Variants in XPO7 observed in about 807,000 individuals in gnomAD.
XPO7 encodes the protein exportin-7.
XPO7 carries 21 observed loss-of-function variants against 144.3 expected under a neutral mutation model. That is an observed-to-expected ratio of 0.15 (90% CI 0.10 to 0.21). The LOEUF (loss-of-function observed/expected upper bound fraction) is 0.21, where lower values mean the gene tolerates loss of function less well. Ranked by LOEUF, XPO7 falls within the 10% of genes least tolerant of loss-of-function variation. XPO7 has a pLI of 1.00. For missense variants in XPO7, 808 were observed against 1,325.8 expected, an observed-to-expected ratio of 0.61 and a Z score of 6.06; for synonymous variants, 580 against 499.6, an observed-to-expected ratio of 1.16 and a Z score of -2.15.
At chr8:21,972,998 A>G (rs1812116347) in intron 5 of XPO7, among the ~76,000 whole-genome samples, 1 of 152,230 alleles carries the variant, frequency 6.6e-6, no homozygotes, top group African/African-American at 2.4e-5. Flanking sequence ...TAAGCACTTT[A>G]TAGTAACTAA....
intron 25 of XPO7, 124 bp downstream of exon 25, chr8:22,002,396 G>A (rs117097240): frequency 0.021 from 25,758 of 1,215,520 alleles, 385 homozygotes; most frequent in Non-Finnish European, 0.023. Flanking sequence ...CTGAGATGAA[G>A]TCCGTGTCTT....
At chr8:21,999,366 G>A (rs919515257) in intron 23 of XPO7, 61 bp downstream of exon 23, 36 of 1,600,196 alleles carry the variant, frequency 2.2e-5, no homozygotes, top group Non-Finnish European at 2.6e-5. Context: ...TTTTTCACCT[G>A]AGACCAAGAT....
intron 3 of XPO7, 151 bp downstream of exon 3, chr8:21,969,727 G>T (rs577094496): frequency 2.1e-5 from 16 of 777,186 alleles, no homozygotes; most frequent in East Asian, 1.1e-4. Flanking sequence ...AGAATTTGGG[G>T]CTTATGAAAG....
chr8:21,990,871 C>T lies in XPO7; in HGVS notation c.1993C>T (p.Arg665Trp). 3 of 1,613,882 alleles carry T rather than the reference C, an allele frequency of 1.9e-6. No homozygotes were observed. Among genetic ancestry groups the T allele is most frequent in the Non-Finnish European group, 1.7e-6 (2 of 1,179,876 alleles). ...GTCCAACCTGACAGACATGCGGTGTCGGACTACCTTCTACACAGCACTTGG... is the reference window on the plus strand; with the variant it reads ...GTCCAACCTGACAGACATGCGGTGTTGGACTACCTTCTACACAGCACTTGG... ...NQSNLTDMRC[R>W]TTFYTALGRL... Residue 665 changes from arginine to tryptophan, a missense_variant, in exon 18 of 28, where the codon CGG becomes TGG. Physicochemically the swap from Arg to Trp is moderately radical, Grantham distance 101. This residue lies in a region of XPO7 where 416 missense variants were observed against 612.5 expected (regional missense o/e 0.68). Coordinates refer to ENST00000252512, the MANE Select transcript of XPO7 (RefSeq NM_015024.5).
rs548634289 is a variant in XPO7, at chr8:21,982,625, T to C, written c.1105-15T>C. The C allele has an allele frequency of 6.4e-7, 1 of 1,565,832 alleles. No individual in the cohort carries two copies. Among genetic ancestry groups the C allele is most frequent in the African/African-American group, 1.4e-5 (1 of 73,140 alleles). Reference sequence around the variant, plus strand: ...AAATGAAAAATATGCCTTCTGCTTTTCTACTTTTCTTTAGCACTGGGAATT... The same window carrying C: ...AAATGAAAAATATGCCTTCTGCTTTCCTACTTTTCTTTAGCACTGGGAATT... On this transcript the variant is annotated splice_polypyrimidine_tract_variant and intron_variant, in intron 10 of 27. Coordinates refer to ENST00000252512, the MANE Select transcript of XPO7 (RefSeq NM_015024.5).
intron 27 of XPO7, 87 bp downstream of exon 27, chr8:22,004,117 C>T (rs1813245841): frequency 6.4e-7 from 1 of 1,558,698 alleles, no homozygotes; most frequent in South Asian, 1.2e-5. Flanking sequence ...AAGTCTTTGA[C>T]ATCTGTGTTT....
intron 1 of XPO7, among the ~76,000 whole-genome samples, chr8:21,947,362 A>T (rs559958994): frequency 1.3e-5 from 2 of 152,338 alleles, no homozygotes; most frequent in African/African-American, 4.8e-5. Flanking sequence ...AAGCAAAAAC[A>T]TCTTTAAAAA....
Position 21,995,564 on chromosome 8 carries a change from T to C in XPO7, c.2310T>C (p.Pro770=). ...ACCATGATCCAGCCTGTACTACACC[T>C]GTACTCAAGTTGATGGCTGAATTGG... is the stretch of plus-strand genomic sequence containing the variant. The part of the protein sequence containing the change: ...LWYHDPACTT[P]VLKLMAELVH... The change falls in exon 21 of 28, where the codon CCT becomes CCC. Residue 770 remains proline, a synonymous_variant. Coordinates refer to ENST00000252512, the MANE Select transcript of XPO7 (RefSeq NM_015024.5). The C allele has an allele frequency of 6.2e-7, 1 of 1,608,110 alleles. No homozygotes were observed. The highest frequency in any genetic ancestry group is 8.5e-7 in the Non-Finnish European group (1 of 1,176,950).
At chr8:21,965,980 C>CCACTT (rs59998951) in intron 1 of XPO7, among the ~76,000 whole-genome samples, 87,617 of 151,546 alleles carry the variant, frequency 0.58, 25,961 homozygotes, top group African/African-American at 0.73. Context: ...TGTTTACTCT[C>CCACTT]CAGTCAGTGA....
chr8:21,974,700 A>G lies in XPO7; in HGVS notation c.523A>G (p.Arg175Gly). 6.3e-7 allele frequency: 1 copy of G among 1,594,630 alleles called. No individual in the cohort carries two copies. The highest frequency in any genetic ancestry group is 1.1e-5 in the South Asian group (1 of 87,176). The change falls in exon 6 of 28, where the codon AGA (arginine) becomes GGA (glycine). Residue 175 changes from arginine (R) to glycine (G), a missense_variant. Physicochemically the swap from Arg to Gly is moderately radical, Grantham distance 125 (BLOSUM62 -2). Transcript: ENST00000252512. ...ADTTHPLTKH[R>G]KIASSFRDSS... Reference sequence around the variant, plus strand: ...CACCACCCATCCTTTAACCAAGCACAGAAAAATAGCCTCTTCTTTTCGCGA... The same window carrying G: ...CACCACCCATCCTTTAACCAAGCACGGAAAAATAGCCTCTTCTTTTCGCGA...
intron 13 of XPO7, 32 bp downstream of exon 13, chr8:21,985,723 G>A: frequency 6.3e-7 from 1 of 1,595,694 alleles, no homozygotes; most frequent in Non-Finnish European, 8.6e-7. Context: ...TCTCCACTCT[G>A]CCTTGCTGGC....
At chr8:21,994,881 G>A (rs1812891744) in intron 20 of XPO7, among the ~76,000 whole-genome samples, 1 of 152,048 alleles carries the variant, frequency 6.6e-6, no homozygotes, top group African/African-American at 2.4e-5. Flanking sequence ...GTGAAACCCC[G>A]TCTGTACTAA....
chr8:22,005,172 G>A lies in XPO7; in HGVS notation c.*84G>A. 2 of 1,136,024 alleles carry A rather than the reference G, an allele frequency of 1.8e-6. No homozygotes were observed. Among genetic ancestry groups the A allele is most frequent in the Non-Finnish European group, 2.5e-6 (2 of 802,446 alleles). The allele number at this position is 1,136,024 out of a possible 1,614,324, so 70.4% of individuals were successfully genotyped here. A position where few individuals can be genotyped will look rare whatever the true frequency, so the allele number is the denominator to read the frequency against. ...GAACAATTGCAAGGGAGAGGGCCTG[G>A]CTGATCCTGGCTCTTTTCTCCAGGG... is the stretch of plus-strand genomic sequence containing the variant. On this transcript the variant is annotated 3_prime_UTR_variant, in exon 28 of 28. Transcript: ENST00000252512.
chr8:21,959,653 AT>A (rs1026384081), intron 1 of XPO7, among the ~76,000 whole-genome samples: 4 of 152,306 alleles, frequency 2.6e-5, no homozygotes, highest in Non-Finnish European at 4.4e-5. Flanking sequence ...TAAAAAAAAA[AT>A]GTCCTAATCA....
At chr8:21,999,785 G>T (rs1290097816) in intron 24 of XPO7, 111 bp downstream of exon 24, 2 of 1,399,704 alleles carry the variant, frequency 1.4e-6, no homozygotes, top group Admixed American at 2.1e-5. Flanking sequence ...CTGCCTTGGG[G>T]GTTTGGCCAT....
At chr8:21,982,230 A>G (rs1812431009) in intron 10 of XPO7, among the ~76,000 whole-genome samples, 1 of 152,336 alleles carries the variant, frequency 6.6e-6, no homozygotes, top group Admixed American at 6.5e-5. Flanking sequence ...ATGGGTCTCA[A>G]ATTTTATGGC....
intron 25 of XPO7, 25 bp downstream of exon 25, chr8:22,002,297 C>T (rs1813176526): frequency 1.2e-6 from 2 of 1,606,824 alleles, no homozygotes; most frequent in Non-Finnish European, 1.7e-6. Flanking sequence ...GCTTAGGAGG[C>T]AGTGATGGGG....
intron 16 of XPO7, among the ~76,000 whole-genome samples, chr8:21,989,821 CTTTTTTTTTTTTTTTTTTTTTTTT>C (rs1170364778): frequency 6.5e-4 from 39 of 59,702 alleles, no homozygotes; most frequent in East Asian, 1.3e-3. Flanking sequence ...TAGGTGTTTC[CTTTTTTTTTTTTTTTTTTTTTTTT>C]TTTTTTTTTT....
At chr8:21,968,522 G>A (rs1253822633) in intron 2 of XPO7, among the ~76,000 whole-genome samples, 1 of 152,184 alleles carries the variant, frequency 6.6e-6, no homozygotes, top group Non-Finnish European at 1.5e-5. Flanking sequence ...TTGGATTGAT[G>A]CACTTGTATT....
Sources: allele counts gnomAD v4.1 joint callset (sites outside exome capture counted in the v4.1 genomes callset), GRCh38; gene constraint gnomAD v4.1.1; regional missense constraint gnomAD v4.1.1; transcripts MANE v1.5; gene names NCBI Gene and HGNC (gene_info 2026-07-23, HGNC 2026-07-21).